DAB1: variants seen among roughly 807,000 people sequenced by gnomAD.
DAB1 encodes the protein DAB adaptor protein 1, also known as disabled homolog 1.
Under a neutral mutation model 64.6 loss-of-function variants are expected in DAB1, and 15 were observed. The observed-to-expected ratio is 0.23, with a 90% CI of 0.16 to 0.36. DAB1 has a LOEUF of 0.36. DAB1 is among the 10% of genes least tolerant of loss of function. DAB1 has a pLI of 1.00. For missense variants in DAB1, 596 were observed against 706.7 expected, an observed-to-expected ratio of 0.84 and a Z score of 1.78; for synonymous variants, 235 against 251.9, an observed-to-expected ratio of 0.93 and a Z score of 0.64.
intron 2 of DAB1, among the ~76,000 whole-genome samples, chr1:57,187,827 C>A (rs543243376): frequency 6.6e-6 from 1 of 151,900 alleles, no homozygotes; most frequent in African/African-American, 2.4e-5. Context: ...CTGATTGAGT[C>A]ACTGAAAGAG....
At position 57,347,541 on chromosome 1, in the gene DAB1, G is replaced by A. The variant is rs557463737; in HGVS notation, c.-136-56375C>T. Among the ~76,000 whole-genome samples, 73 of 152,236 alleles carry A rather than the reference G, an allele frequency of 4.8e-4. 3 individuals are homozygous for A. The South Asian group carries it at 0.014, about 30-fold the overall frequency. On this transcript the variant is annotated intron_variant, in intron 1 of 14. Transcript: ENST00000371236. ...TATCATTATTCCAATGATCCACTTT[G>A]GTTCCAGGGTTCAGAGCCCCCAGCA...
rs143954085 is a variant in DAB1 at position 57,636,520 on chromosome 1, T to C, written n.625+13072A>G. On this transcript the variant is annotated intron_variant and non_coding_transcript_variant, in intron 7 of 20. Transcript: ENST00000485760. ...GCTAAACAATCAGTCAGGAGGTGCT[T>C]GCAATAATCCAGATGAACAGCGATA... 3.9e-5 allele frequency among the ~76,000 whole-genome samples: 6 copies of C among 152,298 alleles called. No homozygotes were observed. The East Asian group carries it at 1.2e-3, about 29-fold the overall frequency.
intron 9 of DAB1, among the ~76,000 whole-genome samples, chr1:57,031,612 T>C (rs949131147): frequency 3.9e-5 from 6 of 152,354 alleles, no homozygotes; most frequent in African/African-American, 1.4e-4. Flanking sequence ...GCAGCTGGGA[T>C]GGACTTGACC....
intron 1 of DAB1, among the ~76,000 whole-genome samples, chr1:57,391,815 A>G (rs1006062747): frequency 2.7e-5 from 4 of 147,176 alleles, no homozygotes; most frequent in African/African-American, 1.0e-4. Flanking sequence ...ACACACACAG[A>G]GAGAGGAGAG....
intron 7 of DAB1, among the ~76,000 whole-genome samples, chr1:57,069,797 G>T (rs1651279800): frequency 6.6e-6 from 1 of 152,154 alleles, no homozygotes; most frequent in Non-Finnish European, 1.5e-5. Flanking sequence ...TGTAATGTAT[G>T]GGTTACAGTT....
At chr1:57,486,635 T>A (rs1419915350) in intron 7 of DAB1, among the ~76,000 whole-genome samples, 2 of 152,188 alleles carry the variant, frequency 1.3e-5, no homozygotes, top group African/African-American at 4.8e-5. Flanking sequence ...ATATGTTTTT[T>A]TAGTTTGCTT....
intron 9 of DAB1, among the ~76,000 whole-genome samples, chr1:57,036,132 A>T (rs1048576704): frequency 1.3e-5 from 2 of 152,076 alleles, no homozygotes; most frequent in Non-Finnish European, 1.5e-5. Context: ...TAATGCTAGG[A>T]AATTATTATT....
intron 7 of DAB1, among the ~76,000 whole-genome samples, chr1:57,647,697 T>C (rs936695818): frequency 2.0e-5 from 3 of 152,226 alleles, no homozygotes; most frequent in African/African-American, 7.2e-5. Flanking sequence ...CATACCCAGA[T>C]GTTATTTCCA....
chr1:57,439,418 G>GTTTTTTGTTTT, intron 7 of DAB1, among the ~76,000 whole-genome samples: 2 of 116,140 alleles, frequency 1.7e-5, no homozygotes, highest in African/African-American at 3.5e-5. Flanking sequence ...TGGTGATGAG[G>GTTTTTTGTTTT]TTTTTTCTTT....
chr1:58,475,526 G>A (rs959764049), intron 3 of DAB1, among the ~76,000 whole-genome samples: 3 of 151,494 alleles, frequency 2.0e-5, no homozygotes, highest in Admixed American at 6.6e-5. Flanking sequence ...AAAACAAAAC[G>A]TGCCACAAAT....
At position 58,010,745 on chromosome 1, in the gene DAB1, A is replaced by G. The variant is rs184524705; in HGVS notation, n.388-126583T>C. 3.9e-3 allele frequency among the ~76,000 whole-genome samples: 596 copies of G among 152,316 alleles called. 7 individuals carry two copies. The highest frequency in any genetic ancestry group is 0.014 in the African/African-American group (563 of 41,576). On this transcript the variant is annotated intron_variant and non_coding_transcript_variant, in intron 5 of 20. Transcript: ENST00000485760. ...AGTCCTGCAGGGCTCTCAGAAGCAC[A>G]GCACATGTGCTCTTACCTGTACTCC...
At chr1:57,016,223 A>T (rs183686094) in intron 11 of DAB1, among the ~76,000 whole-genome samples, 1 of 152,274 alleles carries the variant, frequency 6.6e-6, no homozygotes, top group East Asian at 1.9e-4. Context: ...CCATGTAATA[A>T]ATGGTAGCGA....
intron 7 of DAB1, among the ~76,000 whole-genome samples, chr1:57,548,370 C>G (rs189802992): frequency 9.3e-4 from 141 of 152,160 alleles, no homozygotes; most frequent in Non-Finnish European, 1.7e-3. Context: ...AATTTAAATC[C>G]CATGACAGCG....
intron 6 of DAB1, among the ~76,000 whole-genome samples, chr1:57,774,099 AT>A (rs1321810986): frequency 6.6e-6 from 1 of 151,900 alleles, no homozygotes; most frequent in Non-Finnish European, 1.5e-5. Flanking sequence ...GAAAATGGAC[AT>A]CATAAAAATA....
intron 7 of DAB1, among the ~76,000 whole-genome samples, chr1:57,507,011 C>T (rs12407168): frequency 0.18 from 28,077 of 152,106 alleles, 2,900 homozygotes; most frequent in Non-Finnish European, 0.24. Flanking sequence ...CAGTCCCTCT[C>T]ATCTACAATC....
chr1:57,397,794 C>T (rs973271062), intron 1 of DAB1, among the ~76,000 whole-genome samples: 3 of 152,230 alleles, frequency 2.0e-5, no homozygotes, highest in South Asian at 2.1e-4. Context: ...TTCATAAGAA[C>T]GGCCAGATAT....
At chr1:58,118,027 C>T (rs1473690945) in intron 5 of DAB1, among the ~76,000 whole-genome samples, 1 of 151,778 alleles carries the variant, frequency 6.6e-6, no homozygotes, top group Non-Finnish European at 1.5e-5. Flanking sequence ...CCTCAGCCTC[C>T]TGAGTAGCTG....
chr1:58,264,358 G>T (rs929927457), intron 4 of DAB1, among the ~76,000 whole-genome samples: 1 of 152,186 alleles, frequency 6.6e-6, no homozygotes, highest in African/African-American at 2.4e-5. Flanking sequence ...ATTAGATCCT[G>T]TCTGTAATGT....
chr1:57,835,645 C>T (rs1459689140), intron 1 of DAB1, among the ~76,000 whole-genome samples: 1 of 152,206 alleles, frequency 6.6e-6, no homozygotes, highest in Non-Finnish European at 1.5e-5. Context: ...CAGATTCTCA[C>T]TTCCCCAGCT....
Sources: allele counts gnomAD v4.1 joint callset (sites outside exome capture counted in the v4.1 genomes callset), GRCh38; gene constraint gnomAD v4.1.1; transcripts MANE v1.5; gene names NCBI Gene and HGNC (gene_info 2026-07-23, HGNC 2026-07-21).